Variants in PNCK observed in about 807,000 individuals in gnomAD.
The protein encoded by PNCK is pregnancy up-regulated nonubiquitous CaM kinase, also known as calcium/calmodulin-dependent protein kinase type 1B.
Under a neutral mutation model 28.3 loss-of-function variants are expected in PNCK, and 21 were observed. The observed-to-expected ratio is 0.74, with a 90% CI of 0.53 to 1.07. The LOEUF is 1.07. Ranked by LOEUF, PNCK falls within the 50% of genes least tolerant of loss-of-function variation. PNCK has a pLI of 0.00. For synonymous variants in PNCK, 136 were observed against 125.2 expected (o/e 1.09, Z -0.58); for missense variants, 250 against 298.3 (o/e 0.84, Z 1.19).
At chrX:153,681,782 G>A (rs1433739887) in intron 1 of PNCK, among the ~76,000 whole-genome samples, 2 of 111,962 alleles carry the variant, frequency 1.8e-5, no homozygotes, top group African/African-American at 3.2e-5. Context: ...CTAATAAGGC[G>A]GGAGATGGGG....
upstream of PNCK, among the ~76,000 whole-genome samples, chrX:153,676,423 G>T (rs189876969): frequency 1.2e-4 from 14 of 112,255 alleles, no homozygotes; most frequent in African/African-American, 4.5e-4. Flanking sequence ...AGGTCTGGCT[G>T]CAGCCAATGG....
rs781963016 is a variant in PNCK, at chrX:153,671,344, C to A, written c.555G>T (p.Glu185Asp). 1.7e-6 allele frequency: 2 copies of A among 1,211,928 alleles called. No individual in the cohort carries two copies. The highest frequency in any genetic ancestry group is 3.5e-5 in the South Asian group (2 of 57,010). ...CTACGGCCTTCCCGTAGGGTTTCTGCTCCAAGAGCTCTGGGGCTGGGGGCC... is the reference window on the plus strand; with the variant it reads ...CTACGGCCTTCCCGTAGGGTTTCTGATCCAAGAGCTCTGGGGCTGGGGGCC... The part of the protein sequence containing the change: ...TPGYVAPELL[E>D]QKPYGKAVDV... Residue 185 changes from glutamate (E) to aspartate (D), a missense_variant, in exon 7 of 12, where the codon GAG becomes GAT. By Grantham distance (45) the Glu-to-Asp change is conservative. Transcript: ENST00000340888.
upstream of PNCK, among the ~76,000 whole-genome samples, chrX:153,678,045 G>C (rs2091378734): frequency 9.2e-6 from 1 of 109,095 alleles, no homozygotes; most frequent in South Asian, 3.9e-4. Flanking sequence ...ACGCGCATCA[G>C]TATCTATATT....
chrX:153,683,189 G>A (rs973864428), intron 1 of PNCK, among the ~76,000 whole-genome samples: 1 of 112,636 alleles, frequency 8.9e-6, no homozygotes, highest in African/African-American at 3.2e-5. Flanking sequence ...CGCCCAGGCT[G>A]GAGTGCAGTG....
chrX:153,674,172 C>T, upstream of PNCK: 1 of 1,205,493 alleles, frequency 8.3e-7, no homozygotes, highest in South Asian at 1.8e-5. Context: ...AAAGCAGCCT[C>T]CATGCCTAGC....
intron 3 of PNCK, 129 bp from the exon 4 acceptor site, chrX:153,672,329 C>A (rs7052880): frequency 1.2e-6 from 1 of 855,050 alleles, no homozygotes; most frequent in Middle Eastern, 3.6e-4. Flanking sequence ...ACATGCCACC[C>A]CTGCCCGGTC....
chrX:153,677,929 C>T (rs1383317302), upstream of PNCK, among the ~76,000 whole-genome samples: 1 of 105,656 alleles, frequency 9.5e-6, no homozygotes, highest in Non-Finnish European at 1.9e-5. Flanking sequence ...TATACACTAA[C>T]CCATGTACAT....
intron 1 of PNCK, among the ~76,000 whole-genome samples, chrX:153,684,126 A>G (rs782093764): frequency 1.3e-3 from 142 of 112,015 alleles, no homozygotes; most frequent in Non-Finnish European, 2.3e-3. Context: ...AATTTCTCCC[A>G]AAGTTAGCTT....
chrX:153,673,244 G>T, intron 1 of PNCK, 166 bp from the exon 2 acceptor site: 1 of 1,193,991 alleles, frequency 8.4e-7, no homozygotes, highest in South Asian at 1.8e-5. Context: ...GCCTCCCAGC[G>T]AGGCCACCGC....
rs201660024 is a variant in PNCK, at chrX:153,682,234, C to T, written c.-3+5197G>A. 3.7e-4 allele frequency among the ~76,000 whole-genome samples: 41 copies of T among 110,835 alleles called. 2 individuals carry two copies. The highest frequency in any genetic ancestry group is 3.1e-3 in the East Asian group (11 of 3,527). On this transcript the variant is annotated intron_variant, in intron 1 of 3. Transcript: ENST00000419804. The stretch of plus-strand genomic sequence containing the variant: ...TAACTCCTGACCTCAGGTGATCTGC[C>T]TGCCTCGGCCTCACAAAGTGCTGGG...
upstream of PNCK, among the ~76,000 whole-genome samples, chrX:153,677,295 G>C (rs897257149): frequency 4.5e-5 from 5 of 111,059 alleles, no homozygotes; most frequent in African/African-American, 1.3e-4. Context: ...GCCCGTGTAG[G>C]TGTGGGCGTG....
intron 1 of PNCK, among the ~76,000 whole-genome samples, chrX:153,683,773 T>C (rs1475427845): frequency 1.8e-5 from 2 of 111,203 alleles, no homozygotes; most frequent in Non-Finnish European, 3.8e-5. Flanking sequence ...GGGTGGGGGA[T>C]GATTCTTGTG....
chrX:153,673,965 G>T (rs1435463331), upstream of PNCK: 7 of 1,082,982 alleles, frequency 6.5e-6, no homozygotes, highest in Non-Finnish European at 7.2e-6. Context: ...CTCGGGTGCC[G>T]GCCGCCACCG....
Position 153,670,821 on chromosome X carries a change from C to A in PNCK, c.817G>T (p.Asp273Tyr), listed in dbSNP as rs2091286785. 1 of 1,211,094 alleles carries A rather than the reference C, an allele frequency of 8.3e-7. No individual in the cohort carries two copies. Among genetic ancestry groups the A allele is most frequent in the Non-Finnish European group, 1.1e-6 (1 of 894,628 alleles). ...QALRHLWISG[D>Y]TAFDRDILGS... Reference sequence around the variant, plus strand: ...AAGATGTCCCTGTCGAAGGCTGTGTCCCCAGAGATCCTGGGGAAAGGCTGA... The same window carrying A: ...AAGATGTCCCTGTCGAAGGCTGTGTACCCAGAGATCCTGGGGAAAGGCTGA... Residue 273 changes from aspartate to tyrosine, a missense_variant, in exon 10 of 12, where the codon GAC becomes TAC. By Grantham distance (160) the Asp-to-Tyr change is radical. Transcript: ENST00000340888.
chrX:153,682,766 C>T (rs1369764598), intron 1 of PNCK, among the ~76,000 whole-genome samples: 1 of 112,137 alleles, frequency 8.9e-6, no homozygotes, highest in Non-Finnish European at 1.9e-5. Flanking sequence ...ATTTGTAATT[C>T]TCCCCACCCT....
rs989790648 is a variant in PNCK at position 153,672,991 on chromosome X, A to G, written c.68+18T>C. On this transcript the variant is annotated intron_variant, in intron 2 of 11. Transcript: ENST00000340888. ...CACACACACACACACACGATCACAC[A>G]CGCGCGCGCACACTCACGAGCCGAG... 9.5e-6 allele frequency: 11 copies of G among 1,160,850 alleles called. No homozygotes were observed. The highest frequency in any genetic ancestry group is 2.5e-5 in the Admixed American group (1 of 39,363).
chrX:153,684,910 G>C (rs2091411574), intron 1 of PNCK, among the ~76,000 whole-genome samples: 1 of 96,155 alleles, frequency 1.0e-5, no homozygotes, highest in Admixed American at 1.1e-4. Context: ...GGCCTGAAAG[G>C]CTGCCCACTC....
In PNCK at chrX:153,671,905, A is replaced by G. The variant is rs1179167704; in HGVS notation, c.389T>C (p.Leu130Pro). The G allele has an allele frequency of 1.7e-6, 2 of 1,207,675 alleles. No homozygotes were observed. Among genetic ancestry groups the G allele is most frequent in the Non-Finnish European group, 2.2e-6 (2 of 894,684 alleles). Residue 130 changes from leucine (L) to proline (P), a missense_variant, in exon 5 of 12, where the codon CTG (leucine) becomes CCG (proline). Leu to Pro is a moderately conservative substitution (Grantham distance 98). Coordinates refer to ENST00000340888, the MANE Select transcript of PNCK (RefSeq NM_001366977.1). The part of the protein sequence containing the change: ...VLGAVSYLHS[L>P]GIVHRDLKPE... ...CTTGAGGTCCCGGTGCACGATCCCC[A>G]GGCTGTGCAGGTAGGAGACGGCGCC...
At chrX:153,679,566 C>CTTTTCTTTT (rs1234242873), upstream of PNCK, among the ~76,000 whole-genome samples, 1 of 46,091 alleles carries the variant, frequency 2.2e-5, no homozygotes, top group African/African-American at 9.2e-5. Flanking sequence ...CTTTTCTTTT[C>CTTTTCTTTT]TTTTTTTTTT....
Sources: gnomAD v4.1 joint callset for allele counts (sites outside exome capture counted in the v4.1 genomes callset) on GRCh38, gnomAD v4.1.1 for gene constraint, MANE v1.5 for transcripts, NCBI Gene and HGNC (gene_info 2026-07-23, HGNC 2026-07-21) for gene names.